RAP2C: variants seen among roughly 807,000 people sequenced by gnomAD.
RAP2C encodes RAP2C, member of RAS oncogene family.
In RAP2C, 3 loss-of-function variants were observed where a neutral mutation model predicts 8.9. The observed-to-expected ratio is 0.34, with a 90% CI of 0.15 to 0.87. The LOEUF (loss-of-function observed/expected upper bound fraction) is 0.87, where lower values mean the gene tolerates loss of function less well. RAP2C is among the 40% of genes least tolerant of loss of function. The pLI is 0.51. For missense variants in RAP2C, 76 were observed against 133.7 expected (o/e 0.57, Z 2.13); for synonymous variants, 60 against 52.1 (o/e 1.15, Z -0.65).
Position 132,217,278 on chromosome X carries a change from C to T in RAP2C, c.-10G>A. On this transcript the variant is annotated 5_prime_UTR_variant, in exon 4 of 6. Coordinates refer to ENST00000370874, the MANE Select transcript of RAP2C (RefSeq NM_001271186.2). ...CCTTGTATTCCCTCATGAGTCTCAC[C>T]TTCACCAACTCCTACCAGAGGGGGG... is the stretch of plus-strand genomic sequence containing the variant. 9 of 1,081,373 alleles carry T rather than the reference C, an allele frequency of 8.3e-6. No homozygotes were observed. The highest frequency in any genetic ancestry group is 1.1e-5 in the Non-Finnish European group (9 of 828,429). The allele number at this position is 1,081,373 out of a possible 1,213,427, so 89.1% of individuals were successfully genotyped here.
intron 5 of RAP2C, among the ~76,000 whole-genome samples, chrX:132,212,178 C>T (rs1930448466): frequency 9.0e-6 from 1 of 110,974 alleles, no homozygotes; most frequent in African/African-American, 3.3e-5. Context: ...ATATATTCTG[C>T]TTACAAAAAC....
chrX:132,204,897 T>C lies in RAP2C; in HGVS notation c.*725A>G, dbSNP rs1930225663. 1 of 107,497 alleles carries C rather than the reference T, an allele frequency of 9.3e-6. No homozygotes were observed. The highest frequency in any genetic ancestry group is 1.9e-5 in the Non-Finnish European group (1 of 52,146). 8.9% of individuals were successfully genotyped at this position (107,497 alleles called of 1,213,427 possible). ...GAGATTAACACATGTGAAAACCTAA[T>C]GGAACTGAATGCTTAACTCTTCAAC... On this transcript the variant is annotated 3_prime_UTR_variant, in exon 6 of 6. Coordinates refer to ENST00000370874, the MANE Select transcript of RAP2C (RefSeq NM_001271186.2).
intron 5 of RAP2C, among the ~76,000 whole-genome samples, chrX:132,210,810 G>A (rs894559695): frequency 2.7e-4 from 30 of 111,579 alleles, no homozygotes; most frequent in African/African-American, 9.1e-4. Flanking sequence ...TTGCCAAAAG[G>A]ATATATCAAA....
At chrX:132,212,791 A>C (rs1651706736) in intron 5 of RAP2C, among the ~76,000 whole-genome samples, 1 of 112,022 alleles carries the variant, frequency 8.9e-6, no homozygotes, top group Non-Finnish European at 1.9e-5. Context: ...AAAAGACTAT[A>C]CTGCAAGTAC....
rs191663384 is a variant in RAP2C, at chrX:132,204,291, A to C, written c.*1331T>G. The C allele has an allele frequency of 8.9e-6, 1 of 112,374 alleles. No homozygotes were observed. Among genetic ancestry groups the C allele is most frequent in the East Asian group, 2.8e-4 (1 of 3,592 alleles). The allele number at this position is 112,374 out of a possible 1,213,427, so 9.3% of individuals were successfully genotyped here. On this transcript the variant is annotated 3_prime_UTR_variant, in exon 6 of 6. Transcript: ENST00000370874. ...TACTGTCAAACTTACACAATTTAAA[A>C]ATCATTGCTAGAAAAAGCCCTCATT...
rs766854297 is a variant in RAP2C, at chrX:132,214,320, G to C, written c.400C>G (p.Leu134Val). Residue 134 changes from leucine (L) to valine (V), a missense_variant, in exon 5 of 6, where the codon CTG becomes GTG. Physicochemically the swap from Leu to Val is conservative, Grantham distance 32 (BLOSUM62 1). Coordinates refer to ENST00000370874, the MANE Select transcript of RAP2C (RefSeq NM_001271186.2). The part of the protein sequence containing the change: ...REVMSSEGRA[L>V]AQEWGCPFME... ...AAAGGACAGCCCCATTCTTGAGCCA[G>C]AGCTCTGCCTTCTGAAGACATAACC... is the stretch of plus-strand genomic sequence containing the variant. The C allele has an allele frequency of 3.3e-6, 4 of 1,210,527 alleles. No individual in the cohort carries two copies. The African/African-American group carries it at 5.2e-5, about 16-fold the overall frequency.
chrX:132,217,894 G>T, intron 3 of RAP2C, 22 bp downstream of exon 3: 1 of 110,877 alleles, frequency 9.0e-6, no homozygotes. Flanking sequence ...ACTCCCACCC[G>T]GATCAAGCTA....
chrX:132,209,429 T>G (rs897890806), intron 5 of RAP2C, among the ~76,000 whole-genome samples: 5 of 112,197 alleles, frequency 4.5e-5, no homozygotes, highest in African/African-American at 1.3e-4. Context: ...TCTAAATTGC[T>G]TTTTCTGAAT....
intron 5 of RAP2C, among the ~76,000 whole-genome samples, chrX:132,211,449 T>C (rs781139424): frequency 9.0e-6 from 1 of 111,539 alleles, no homozygotes; most frequent in African/African-American, 3.3e-5. Flanking sequence ...ACTGCTGCCA[T>C]ACAGCAAAAG....
At chrX:132,218,673 CAG>C (rs1357657148) in intron 1 of RAP2C, 3 of 111,881 alleles carry the variant, frequency 2.7e-5, no homozygotes, top group African/African-American at 9.8e-5. Context: ...GACAAACACA[CAG>C]AACTTTTACC....
intron 5 of RAP2C, among the ~76,000 whole-genome samples, chrX:132,209,589 G>C (rs1023914428): frequency 2.7e-5 from 3 of 112,120 alleles, no homozygotes; most frequent in African/African-American, 9.7e-5. Flanking sequence ...CCCATGGGGA[G>C]AATCTTTTCT....
At chrX:132,210,300 AAAATT>A (rs1411630380) in intron 5 of RAP2C, among the ~76,000 whole-genome samples, 2 of 112,117 alleles carry the variant, frequency 1.8e-5, no homozygotes, top group Admixed American at 9.4e-5. Flanking sequence ...ATTAAAAACT[AAAATT>A]AAAAGTTAAA....
rs748853826 is a variant in RAP2C, at chrX:132,214,479, A to G, written c.274-33T>C. The stretch of plus-strand genomic sequence containing the variant: ...AGCAATCACAAAGAGAAAGAAAAAC[A>G]TTATGCTGTTTGTATAACCATAACA... On this transcript the variant is annotated intron_variant, in intron 4 of 5. Coordinates refer to ENST00000370874, the MANE Select transcript of RAP2C (RefSeq NM_001271186.2). The G allele has an allele frequency of 4.3e-6, 5 of 1,174,283 alleles. No individual in the cohort carries two copies. The South Asian group carries it at 9.7e-5, about 23-fold the overall frequency.
At position 132,217,562 on chromosome X, in the gene RAP2C, G is replaced by C. The variant is rs1930657555; in HGVS notation, c.-294C>G. 4.3e-6 allele frequency: 1 copy of C among 231,969 alleles called. No individual in the cohort carries two copies. The allele number at this position is 231,969 out of a possible 1,213,427, so 19.1% of individuals were successfully genotyped here. On this transcript the variant is annotated 5_prime_UTR_variant, in exon 4 of 6. Coordinates refer to ENST00000370874, the MANE Select transcript of RAP2C (RefSeq NM_001271186.2). ...GGAAAAGCCCGGCGAGGGTGGCGAG[G>C]AGGCGCGTGCCCCCGGGAGGGAAAG...
intron 4 of RAP2C, among the ~76,000 whole-genome samples, chrX:132,215,528 A>G (rs748438923): frequency 3.3e-4 from 37 of 112,067 alleles, no homozygotes; most frequent in Non-Finnish European, 5.8e-4. Flanking sequence ...TTATGGAAAC[A>G]TAAGTTCAGC....
chrX:132,215,547 C>G (rs746331780), intron 4 of RAP2C, among the ~76,000 whole-genome samples: 9 of 111,619 alleles, frequency 8.1e-5, no homozygotes, highest in African/African-American at 2.9e-4. Context: ...GCTGAAAATC[C>G]AAACTTAGGG....
intron 5 of RAP2C, 78 bp downstream of exon 5, chrX:132,214,056 A>T: frequency 1.2e-6 from 1 of 830,099 alleles, no homozygotes; most frequent in Non-Finnish European, 1.7e-6. Flanking sequence ...CATATGTATT[A>T]ACACTAACCA....
Position 132,217,392 on chromosome X carries a change from AG to A in RAP2C, c.-125del. On this transcript the variant is annotated 5_prime_UTR_variant, in exon 4 of 6. Transcript: ENST00000370874. ...ACTGGGGAGGAGAGTGCAGAGGAGC[AG>A]AGGGCCCAACCGGGGAAGAAGAGGA... The A allele has an allele frequency of 5.8e-6, 3 of 517,623 alleles. No individual in the cohort carries two copies. The highest frequency in any genetic ancestry group is 8.2e-6 in the Non-Finnish European group (3 of 366,539). 42.7% of individuals were successfully genotyped at this position (517,623 alleles called of 1,213,427 possible).
At chrX:132,215,055 T>C (rs1930535066) in intron 4 of RAP2C, among the ~76,000 whole-genome samples, 1 of 111,321 alleles carries the variant, frequency 9.0e-6, no homozygotes, top group Non-Finnish European at 1.9e-5. Flanking sequence ...TAGAAACTAC[T>C]GTAACAGTGA....
Sources: allele counts gnomAD v4.1 joint callset (sites outside exome capture counted in the v4.1 genomes callset), GRCh38; gene constraint gnomAD v4.1.1; transcripts MANE v1.5; gene names NCBI Gene and HGNC (gene_info 2026-07-23, HGNC 2026-07-21).